PHYH: variants seen among roughly 807,000 people sequenced by gnomAD.
PHYH encodes phytanoyl-CoA 2-hydroxylase, also known as phytanoyl-CoA dioxygenase, peroxisomal.
A neutral mutation model predicts 38.5 loss-of-function variants in PHYH; 32 were observed. The ratio of observed to expected loss-of-function variants is 0.83; its 90% CI spans 0.63 to 1.12. PHYH has a LOEUF of 1.12. Ranked by LOEUF, PHYH falls within the 50% of genes most tolerant of loss-of-function variation. The probability of loss-of-function intolerance (pLI) is 0.00; values close to 1 mark genes in which losing one functional copy is unlikely to be tolerated. For synonymous variants in PHYH, 166 were observed against 157.9 expected (o/e 1.05, Z -0.38); for missense variants, 426 against 434.8 (o/e 0.98, Z 0.18).
At position 13,288,355 on chromosome 10, in the gene PHYH, C is replaced by T; in HGVS notation, c.678+5G>A. ...GATCAAGACTCAGCCGCCGGGCAGA[C>T]CTACCTCCCACTTGGGGTAATCGTG... On this transcript the variant is annotated splice_donor_5th_base_variant and intron_variant, in intron 6 of 8. Transcript: ENST00000263038. 1 of 1,613,452 alleles carries T rather than the reference C, an allele frequency of 6.2e-7. No individual in the cohort carries two copies. Among genetic ancestry groups the T allele is most frequent in the Non-Finnish European group, 8.5e-7 (1 of 1,179,914 alleles).
At chr10:13,291,133 A>G (rs1264722277) in intron 5 of PHYH, among the ~76,000 whole-genome samples, 1 of 148,562 alleles carries the variant, frequency 6.7e-6, no homozygotes, top group East Asian at 2.0e-4. Flanking sequence ...AAAAAAGACC[A>G]CTATAGTTTG....
chr10:13,288,839 G>T (rs1015334722), intron 5 of PHYH, among the ~76,000 whole-genome samples: 1 of 150,500 alleles, frequency 6.6e-6, no homozygotes, highest in East Asian at 2.0e-4. Context: ...GAGCCTGGAG[G>T]TCGAGGCTGC....
intron 7 of PHYH, among the ~76,000 whole-genome samples, chr10:13,282,610 A>G (rs1167244273): frequency 6.6e-6 from 1 of 151,438 alleles, no homozygotes; most frequent in East Asian, 1.9e-4. Flanking sequence ...AAAAAAAAGA[A>G]AAAAGGAAAA....
intron 6 of PHYH, among the ~76,000 whole-genome samples, chr10:13,285,206 T>TG (rs1299397240): frequency 6.6e-6 from 1 of 152,084 alleles, no homozygotes; most frequent in Non-Finnish European, 1.5e-5. Context: ...ATTACTGAGA[T>TG]GGAGTCTTGC....
At chr10:13,287,848 C>T (rs188141079) in intron 6 of PHYH, among the ~76,000 whole-genome samples, 13 of 152,278 alleles carry the variant, frequency 8.5e-5, no homozygotes, top group Admixed American at 2.6e-4. Flanking sequence ...GGATCCTATA[C>T]AGTACCTACC....
intron 5 of PHYH, 111 bp downstream of exon 5, chr10:13,291,720 C>A: frequency 1.3e-6 from 1 of 746,900 alleles, no homozygotes; most frequent in South Asian, 1.5e-5. Flanking sequence ...CCTCAGAGAT[C>A]TTCCTCCCTT....
chr10:13,297,433 C>G (rs556360853), intron 2 of PHYH, among the ~76,000 whole-genome samples: 22 of 104,922 alleles, frequency 2.1e-4, no homozygotes, highest in African/African-American at 6.7e-4. Flanking sequence ...TCCATATAAC[C>G]AAATACAAGC....
intron 8 of PHYH, among the ~76,000 whole-genome samples, chr10:13,279,566 A>G (rs558720480): frequency 4.6e-5 from 7 of 152,262 alleles, no homozygotes; most frequent in African/African-American, 1.7e-4. Context: ...AGCCTCTGGG[A>G]TTTGTTTTCT....
intron 8 of PHYH, among the ~76,000 whole-genome samples, chr10:13,279,914 A>C (rs560679325): frequency 2.9e-4 from 44 of 152,354 alleles, no homozygotes; most frequent in African/African-American, 1.0e-3. Context: ...ATGCAAAATC[A>C]GAGCATTTTC....
At position 13,291,825 on chromosome 10, in the gene PHYH, A is replaced by T. The variant is rs746531755; in HGVS notation, c.496+6T>A. The T allele has an allele frequency of 7.6e-5, 121 of 1,595,246 alleles. No homozygotes were observed. The highest frequency in any genetic ancestry group is 9.9e-5 in the Non-Finnish European group (115 of 1,163,688). On this transcript the variant is annotated splice_donor_region_variant and intron_variant, in intron 5 of 8. Coordinates refer to ENST00000263038, the MANE Select transcript of PHYH (RefSeq NM_006214.4). ...ACCATTTTTTTTTCTTCTCCCTTAC[A>T]ATTACCAGAATCTGGAGGTTTGTTT... is the stretch of plus-strand genomic sequence containing the variant.
chr10:13,282,605 A>AC (rs1473349373), intron 7 of PHYH, among the ~76,000 whole-genome samples: 1 of 148,258 alleles, frequency 6.7e-6, no homozygotes, highest in Non-Finnish European at 1.5e-5. Context: ...AAAAAAAAAA[A>AC]AAGAAAAAAG....
Position 13,298,226 on chromosome 10 carries a change from C to T in PHYH, c.95G>A (p.Gly32Glu), listed in dbSNP as rs1832625209. The change falls in exon 2 of 9, where the codon GGG becomes GAG. Residue 32 changes from glycine (G) to glutamate (E), a missense_variant. Coordinates refer to ENST00000263038, the MANE Select transcript of PHYH (RefSeq NM_006214.4). ...AGAVVAHPTS[G>E]TISSASFHPQ... ...ATGGAAACTGGCAGAGGAAATAGTC[C>T]CTGAAGTGGGATGAGCTACCTAGGA... 1 of 1,606,378 alleles carries T rather than the reference C, an allele frequency of 6.2e-7. No individual in the cohort carries two copies. The highest frequency in any genetic ancestry group is 8.5e-7 in the Non-Finnish European group (1 of 1,173,270).
At chr10:13,298,922 AAATAAT>A (rs61660763) in intron 1 of PHYH, among the ~76,000 whole-genome samples, 4,124 of 57,932 alleles carry the variant, frequency 0.071, 146 homozygotes, top group East Asian at 0.21. Flanking sequence ...TCCGTCTCAA[AAATAAT>A]AATAATAATA....
intron 3 of PHYH, 116 bp downstream of exon 3, chr10:13,295,380 C>T (rs1046081296): frequency 2.8e-6 from 2 of 708,934 alleles, no homozygotes; most frequent in East Asian, 5.2e-5. Flanking sequence ...CTAAACACTT[C>T]CCAACAAACC....
At chr10:13,291,186 T>C (rs1367599215) in intron 5 of PHYH, among the ~76,000 whole-genome samples, 1 of 151,254 alleles carries the variant, frequency 6.6e-6, no homozygotes, top group East Asian at 1.9e-4. Context: ...AATAATAATG[T>C]CTTCCTATCA....
intron 2 of PHYH, among the ~76,000 whole-genome samples, chr10:13,296,851 G>T (rs1006553541): frequency 4.6e-5 from 7 of 151,798 alleles, no homozygotes; most frequent in Admixed American, 3.9e-4. Context: ...CTACTGGAGA[G>T]GCTGAGGCAG....
chr10:13,290,651 G>A (rs909998428), intron 5 of PHYH, among the ~76,000 whole-genome samples: 9 of 151,982 alleles, frequency 5.9e-5, no homozygotes, highest in East Asian at 3.9e-4. Flanking sequence ...TCCTCCCCCC[G>A]CAGCCTCCTG....
At position 13,281,054 on chromosome 10, in the gene PHYH, G is replaced by T. The variant is rs1385192469; in HGVS notation, c.885C>A (p.Thr295=). Residue 295 remains threonine (T), a synonymous_variant, in exon 8 of 9, where the codon ACC becomes ACA. Coordinates refer to ENST00000263038, the MANE Select transcript of PHYH (RefSeq NM_006214.4). ...CTTCCTTCTCGATGTTTTCTTGACT[G>T]GTGCCCTTCACGTCAATGTAGTGGC... The part of the protein sequence containing the change: ...ADCHYIDVKG[T]SQENIEKEVV... 4 of 1,613,752 alleles carry T rather than the reference G, an allele frequency of 2.5e-6. No individual in the cohort carries two copies. The highest frequency in any genetic ancestry group is 3.4e-6 in the Non-Finnish European group (4 of 1,179,648).
intron 8 of PHYH, among the ~76,000 whole-genome samples, chr10:13,280,502 A>G (rs1280089306): frequency 6.6e-6 from 1 of 151,910 alleles, no homozygotes; most frequent in East Asian, 1.9e-4. Flanking sequence ...CAACCTGACT[A>G]ATTTTTATTT....
Sources: allele counts gnomAD v4.1 joint callset (sites outside exome capture counted in the v4.1 genomes callset), GRCh38; gene constraint gnomAD v4.1.1; transcripts MANE v1.5; gene names NCBI Gene and HGNC (gene_info 2026-07-23, HGNC 2026-07-21).